The following KIAA1958 variants were observed in gnomAD, a reference collection of about 807,000 sequenced individuals.
KIAA1958 encodes uncharacterized protein KIAA1958.
Under a neutral mutation model 47.2 loss-of-function variants are expected in KIAA1958, and 14 were observed. That is an observed-to-expected ratio of 0.30 (90% CI 0.20 to 0.46). The LOEUF (loss-of-function observed/expected upper bound fraction) is 0.46, where lower values mean the gene tolerates loss of function less well. Among genes scored for constraint, KIAA1958 ranks in the 20% least tolerant of loss-of-function variants. The probability of loss-of-function intolerance (pLI) is 1.00; values close to 1 mark genes in which losing one functional copy is unlikely to be tolerated. For synonymous variants in KIAA1958, 354 were observed against 353.3 expected (o/e 1.00, Z -0.02); for missense variants, 803 against 909.2 (o/e 0.88, Z 1.50).
chr9:112,499,960 T>G (rs2132763923), intron 1 of KIAA1958, among the ~76,000 whole-genome samples: 1 of 152,180 alleles, frequency 6.6e-6, no homozygotes, highest in South Asian at 2.1e-4. Context: ...AATGTTGGGA[T>G]TACAGGCGTG....
At chr9:112,632,054 A>G (rs1305671193) in intron 2 of KIAA1958, among the ~76,000 whole-genome samples, 1 of 152,122 alleles carries the variant, frequency 6.6e-6, no homozygotes, top group Non-Finnish European at 1.5e-5. Flanking sequence ...TTTCTTATAT[A>G]TACATTTCCA....
intron 2 of KIAA1958, among the ~76,000 whole-genome samples, chr9:112,604,014 T>C (rs1025249950): frequency 6.6e-6 from 1 of 152,216 alleles, no homozygotes; most frequent in Non-Finnish European, 1.5e-5. Flanking sequence ...ATGTTTCTTA[T>C]TGCTTCAAAT....
intron 2 of KIAA1958, among the ~76,000 whole-genome samples, chr9:112,607,289 C>T (rs943356087): frequency 4.6e-5 from 7 of 151,350 alleles, no homozygotes; most frequent in South Asian, 2.1e-4. Flanking sequence ...CCCAGGATAG[C>T]GCCACTGCAC....
In KIAA1958 at chr9:112,597,938, G is replaced by A. The variant is rs530173362; in HGVS notation, c.1171+22687G>A. ...GCTATTCATTTCTTGAACCATGGAT[G>A]AAACAGTGGGGAAAAAAAGGTTCCT... On this transcript the variant is annotated intron_variant, in intron 2 of 3. Transcript: ENST00000337530. Among the ~76,000 whole-genome samples the A allele has an allele frequency of 2.0e-5, 3 of 152,242 alleles. No homozygotes were observed. The South Asian group carries it at 6.2e-4, about 32-fold the overall frequency.
chr9:112,645,907 A>T, intron 3 of KIAA1958, 85 bp downstream of exon 3: 1 of 1,164,726 alleles, frequency 8.6e-7, no homozygotes, highest in Non-Finnish European at 1.2e-6. Context: ...TGTAGGGAAC[A>T]CAGAACGGTG....
chr9:112,583,662 T>C (rs62568626), intron 2 of KIAA1958, among the ~76,000 whole-genome samples: 16,802 of 152,200 alleles, frequency 0.11, 1,379 homozygotes, highest in East Asian at 0.2. Context: ...TTATTGTGTA[T>C]AAATCTTGGA....
rs1337195523 is a variant in KIAA1958, at chr9:112,659,977, A to G, written c.2059A>G (p.Lys687Glu). ...TCGGGGAATTGTCCCAAACTTAGCC[A>G]AGAAGGTCAAGCTGGAAAACTGTGA... The part of the protein sequence containing the change: ...SLRGIVPNLA[K>E]KVKLENCENF... The change falls in exon 4 of 4, where the codon AAG becomes GAG. Residue 687 changes from lysine (K) to glutamate (E), a missense_variant. Lys to Glu is a moderately conservative substitution (Grantham distance 56, BLOSUM62 1). This residue lies in a region of KIAA1958 where 761 missense variants were observed against 829.3 expected (regional missense o/e 0.92). Transcript: ENST00000337530. The G allele has an allele frequency of 1.9e-6, 3 of 1,614,252 alleles. No individual in the cohort carries two copies. The highest frequency in any genetic ancestry group is 1.7e-6 in the Non-Finnish European group (2 of 1,180,052).
intron 1 of KIAA1958, among the ~76,000 whole-genome samples, chr9:112,503,492 A>G (rs1308961607): frequency 6.6e-6 from 1 of 151,712 alleles, no homozygotes; most frequent in Non-Finnish European, 1.5e-5. Context: ...TACAAAAAAT[A>G]AAAAAAATTA....
At chr9:112,590,799 ATT>A (rs1363810105) in intron 2 of KIAA1958, among the ~76,000 whole-genome samples, 1 of 152,176 alleles carries the variant, frequency 6.6e-6, no homozygotes, top group East Asian at 1.9e-4. Context: ...AAGTTCAGGC[ATT>A]TTCTCTTACA....
intron 1 of KIAA1958, among the ~76,000 whole-genome samples, chr9:112,490,743 CAA>C (rs147456043): frequency 6.6e-6 from 1 of 152,278 alleles, no homozygotes; most frequent in East Asian, 1.9e-4. Flanking sequence ...GTTTGTTTTG[CAA>C]AGTCTTACAC....
At chr9:112,503,616 C>CAAAAAAAAA (rs762669967) in intron 1 of KIAA1958, among the ~76,000 whole-genome samples, 1 of 106,416 alleles carries the variant, frequency 9.4e-6, no homozygotes. Flanking sequence ...GACCCTGTCT[C>CAAAAAAAAA]AAAAAAAAAA....
At chr9:112,501,699 G>C (rs2132766085) in intron 1 of KIAA1958, among the ~76,000 whole-genome samples, 1 of 152,290 alleles carries the variant, frequency 6.6e-6, no homozygotes. Context: ...ACAGCAGACT[G>C]CACAGAAGAG....
Position 112,659,377 on chromosome 9 carries a change from C to T in KIAA1958, c.1459C>T (p.Arg487Cys), listed in dbSNP as rs771572009. 6.2e-6 allele frequency: 10 copies of T among 1,613,998 alleles called. No individual in the cohort carries two copies. Among genetic ancestry groups the T allele is most frequent in the African/African-American group, 2.7e-5 (2 of 74,902 alleles). ...SLHAIRRGLD[R>C]ILKNAGVGFS... Reference sequence around the variant, plus strand: ...CCATGCTATTCGCCGAGGCCTGGACCGCATCCTGAAGAATGCAGGTGTCGG... The same window carrying T: ...CCATGCTATTCGCCGAGGCCTGGACTGCATCCTGAAGAATGCAGGTGTCGG... The change falls in exon 4 of 4, where the codon CGC (arginine) becomes TGC (cysteine). Residue 487 changes from arginine (R) to cysteine (C), a missense_variant. Around this residue, in one of 2 missense-constraint regions of KIAA1958, gnomAD observed 761 missense variants for 829.3 expected, o/e 0.92. Coordinates refer to ENST00000337530, the MANE Select transcript of KIAA1958 (RefSeq NM_133465.4).
intron 2 of KIAA1958, among the ~76,000 whole-genome samples, chr9:112,615,191 C>T (rs1444477287): frequency 6.6e-6 from 1 of 151,922 alleles, no homozygotes; most frequent in Non-Finnish European, 1.5e-5. Flanking sequence ...GGAGGCAAGA[C>T]GGGCAGATCA....
Position 112,660,344 on chromosome 9 carries a change from G to T in KIAA1958, c.*275G>T. ...TATAATTGTTACATACAAGAGTGAG[G>T]AAATTCATTTTCTCTAGTGCCTTTC... On this transcript the variant is annotated 3_prime_UTR_variant, in exon 4 of 4. Transcript: ENST00000337530. 1 of 417,716 alleles carries T rather than the reference G, an allele frequency of 2.4e-6. No individual in the cohort carries two copies. The allele number at this position is 417,716 out of a possible 1,614,324, so 25.9% of individuals were successfully genotyped here.
chr9:112,543,226 G>GTTGTTGTTTGT (rs1554722564), intron 1 of KIAA1958, among the ~76,000 whole-genome samples: 1 of 150,888 alleles, frequency 6.6e-6, no homozygotes, highest in Non-Finnish European at 1.5e-5. Context: ...TTTTGTTGTT[G>GTTGTTGTTTGT]TTGTTTGTTT....
intron 1 of KIAA1958, among the ~76,000 whole-genome samples, chr9:112,531,029 A>G (rs1436295803): frequency 6.6e-6 from 1 of 152,240 alleles, no homozygotes; most frequent in African/African-American, 2.4e-5. Flanking sequence ...GTGATTGCGC[A>G]ACAACATAGA....
chr9:112,633,162 A>G lies in KIAA1958; in HGVS notation c.1172-12488A>G, dbSNP rs1470967558. On this transcript the variant is annotated intron_variant, in intron 2 of 3. Transcript: ENST00000337530. The stretch of plus-strand genomic sequence containing the variant: ...GTCTATTTCTTACAAATACTAACTT[A>G]CAAATAGTAATTTACAATTTAAATT... Among the ~76,000 whole-genome samples the G allele has an allele frequency of 4.0e-5, 6 of 151,708 alleles. No individual in the cohort carries two copies. In the East Asian group the frequency reaches 1.2e-3, roughly 29 times the overall value.
At chr9:112,497,748 T>G (rs1834069145) in intron 1 of KIAA1958, among the ~76,000 whole-genome samples, 1 of 151,896 alleles carries the variant, frequency 6.6e-6, no homozygotes, top group South Asian at 2.1e-4. Context: ...CTTGGGGAGG[T>G]TCAATACAGT....
Sources: allele counts gnomAD v4.1 joint callset (sites outside exome capture counted in the v4.1 genomes callset), GRCh38; gene constraint gnomAD v4.1.1; regional missense constraint gnomAD v4.1.1; transcripts MANE v1.5; gene names NCBI Gene and HGNC (gene_info 2026-07-23, HGNC 2026-07-21).